PLCB1: variants seen among roughly 807,000 people sequenced by gnomAD.
PLCB1 encodes the protein 1-phosphatidylinositol 4,5-bisphosphate phosphodiesterase beta-1.
In PLCB1, 46 loss-of-function variants were observed where a neutral mutation model predicts 161.8. The observed-to-expected ratio is 0.28, with a 90% confidence interval of 0.22 to 0.36. The LOEUF (loss-of-function observed/expected upper bound fraction) is 0.36. PLCB1 is among the 10% of genes least tolerant of loss of function. The pLI, the probability that PLCB1 is intolerant of heterozygous loss-of-function variation, is 1.00. For synonymous variants in PLCB1, 517 were observed against 503.7 expected (o/e 1.03, Z -0.35); for missense variants, 1,016 against 1,472.5 (o/e 0.69, Z 5.07).
At position 8,263,921 on chromosome 20, in the gene PLCB1, A is replaced by C. The variant is rs145532865; in HGVS notation, c.178-107461A>C. ...CTACTAGAGAATTTATAAACACTGT[A>C]TACTTAGGCTAAAATAAATTTATTT... On this transcript the variant is annotated intron_variant, in intron 2 of 31. Transcript: ENST00000338037. Among the ~76,000 whole-genome samples, 338 of 152,302 alleles carry C rather than the reference A, an allele frequency of 2.2e-3. 1 individual carries two copies. The highest frequency in any genetic ancestry group is 7.4e-3 in the African/African-American group (306 of 41,582).
chr20:8,155,865 T>G (rs556563925), intron 2 of PLCB1, among the ~76,000 whole-genome samples: 1 of 152,180 alleles, frequency 6.6e-6, no homozygotes, highest in South Asian at 2.1e-4. Context: ...TTACATTATC[T>G]GGGAAAAAAA....
chr20:8,365,229 G>A lies in PLCB1; in HGVS notation c.178-6153G>A, dbSNP rs114880459. Among the ~76,000 whole-genome samples the A allele has an allele frequency of 6.5e-3, 984 of 152,274 alleles. 8 individuals are homozygous for A. The highest frequency in any genetic ancestry group is 0.021 in the African/African-American group (881 of 41,542). ...GAGCATCTGTAGCAACTTGTTTAAT[G>A]CTACATTGATAACAAGTGATAATTT... On this transcript the variant is annotated intron_variant, in intron 2 of 31. Coordinates refer to ENST00000338037, the MANE Select transcript of PLCB1 (RefSeq NM_015192.4).
At chr20:8,722,464 C>T (rs1406031810) in intron 15 of PLCB1, 43 bp downstream of exon 15, 3 of 1,408,690 alleles carry the variant, frequency 2.1e-6, no homozygotes, top group Non-Finnish European at 2.9e-6. Flanking sequence ...TTCCACCACC[C>T]TGTACTCTCC....
At chr20:8,509,773 GA>G (rs1983797378) in intron 3 of PLCB1, among the ~76,000 whole-genome samples, 1 of 151,382 alleles carries the variant, frequency 6.6e-6, no homozygotes, top group East Asian at 1.9e-4. Flanking sequence ...TAGATAGATA[GA>G]TAGATAGATA....
rs182388989 is a variant in PLCB1, at chr20:8,755,101, A to G, written c.2524-1945A>G. Among the ~76,000 whole-genome samples the G allele has an allele frequency of 2.1e-3, 316 of 152,290 alleles. 1 individual carries two copies. Among genetic ancestry groups the G allele is most frequent in the Non-Finnish European group, 1.6e-3 (109 of 68,022 alleles). On this transcript the variant is annotated intron_variant, in intron 23 of 31. Coordinates refer to ENST00000338037, the MANE Select transcript of PLCB1 (RefSeq NM_015192.4). ...TGTCTCCCCTAACTGATGTCCAGCC[A>G]CTGCTACTAAGGGCTCTTCCAGCAT...
At chr20:8,414,348 AAAAC>A (rs1979178288) in intron 3 of PLCB1, among the ~76,000 whole-genome samples, 4 of 152,294 alleles carry the variant, frequency 2.6e-5, no homozygotes, top group Non-Finnish European at 4.4e-5. Context: ...ACAAGAAACA[AAAAC>A]AAAAAACAAA....
intron 4 of PLCB1, among the ~76,000 whole-genome samples, chr20:8,637,110 C>G (rs1452564602): frequency 4.0e-5 from 6 of 151,384 alleles, no homozygotes. Flanking sequence ...GTTTAAATTT[C>G]TCCCTCCACA....
chr20:8,650,037 G>A (rs1989270222), intron 7 of PLCB1: 2 of 152,076 alleles, frequency 1.3e-5, no homozygotes, highest in African/African-American at 4.8e-5. Context: ...AATCTAGAAT[G>A]ACCCTTGCTT....
At chr20:8,828,053 A>G (rs1021429433) in intron 31 of PLCB1, among the ~76,000 whole-genome samples, 2 of 152,240 alleles carry the variant, frequency 1.3e-5, no homozygotes, top group Non-Finnish European at 2.9e-5. Context: ...CATAAAAAAT[A>G]TTCTGTATAG....
chr20:8,614,949 G>A (rs1448665218), intron 3 of PLCB1, among the ~76,000 whole-genome samples: 2 of 151,960 alleles, frequency 1.3e-5, no homozygotes, highest in African/African-American at 2.4e-5. Context: ...CTTTTTATGA[G>A]CATGCAATTA....
chr20:8,248,899 A>G (rs1981009168), intron 2 of PLCB1: 6 of 152,066 alleles, frequency 3.9e-5, no homozygotes, highest in Admixed American at 3.9e-4. Context: ...TTCAGGCTAT[A>G]TAGGACTATT....
At chr20:8,738,373 C>T in intron 20 of PLCB1, among the ~76,000 whole-genome samples, 1 of 152,094 alleles carries the variant, frequency 6.6e-6, no homozygotes, top group Non-Finnish European at 1.5e-5. Flanking sequence ...TTAATGATTG[C>T]CATTCTAACT....
intron 2 of PLCB1, among the ~76,000 whole-genome samples, chr20:8,199,775 G>T (rs375778868): frequency 2.0e-5 from 3 of 151,882 alleles, no homozygotes; most frequent in Non-Finnish European, 4.4e-5. Flanking sequence ...ATCTTTGTAC[G>T]TACTAATATT....
At chr20:8,539,652 C>CTTTCTT (rs1985212287) in intron 3 of PLCB1, among the ~76,000 whole-genome samples, 1 of 92,344 alleles carries the variant, frequency 1.1e-5, no homozygotes, top group African/African-American at 4.5e-5. Flanking sequence ...TTCTTTCTTT[C>CTTTCTT]TTTCTTTCTT....
At chr20:8,351,283 G>A (rs1468163764) in intron 2 of PLCB1, among the ~76,000 whole-genome samples, 3 of 151,802 alleles carry the variant, frequency 2.0e-5, no homozygotes, top group Admixed American at 6.6e-5. Flanking sequence ...GGAGCAATTG[G>A]GTGTCCATAT....
intron 2 of PLCB1, among the ~76,000 whole-genome samples, chr20:8,178,833 G>A (rs535786558): frequency 6.6e-6 from 1 of 152,286 alleles, no homozygotes; most frequent in Admixed American, 6.5e-5. Context: ...AAATGGTCCT[G>A]TTTCAATCTT....
chr20:8,379,576 A>C (rs1010567904), intron 3 of PLCB1, among the ~76,000 whole-genome samples: 2 of 152,144 alleles, frequency 1.3e-5, no homozygotes, highest in African/African-American at 2.4e-5. Flanking sequence ...CAACAGTATA[A>C]AAGCATTCCT....
intron 2 of PLCB1, among the ~76,000 whole-genome samples, chr20:8,320,562 C>CCACATATGGAAACCA (rs1206238960): frequency 6.6e-6 from 1 of 152,144 alleles, no homozygotes; most frequent in Non-Finnish European, 1.5e-5. Flanking sequence ...GTTAGGGTTT[C>CCACATATGGAAACCA]CATATGTGGT....
chr20:8,399,737 C>A (rs987437525), intron 3 of PLCB1, among the ~76,000 whole-genome samples: 1 of 151,958 alleles, frequency 6.6e-6, no homozygotes, highest in Non-Finnish European at 1.5e-5. Flanking sequence ...GTTTTCAAAA[C>A]TTTATTTTTT....
Sources: allele counts gnomAD v4.1 joint callset (sites outside exome capture counted in the v4.1 genomes callset), GRCh38; gene constraint gnomAD v4.1.1; transcripts MANE v1.5; gene names NCBI Gene and HGNC (gene_info 2026-07-23, HGNC 2026-07-21).